The following ZNF609 variants were observed in gnomAD, a reference collection of about 807,000 sequenced individuals.
The protein encoded by ZNF609 is zinc finger protein 609.
Under a neutral mutation model 109.5 loss-of-function variants are expected in ZNF609, and 11 were observed. That is an observed-to-expected ratio of 0.10 (90% CI 0.06 to 0.17). The LOEUF is 0.17. Among genes scored for constraint, ZNF609 ranks in the 10% least tolerant of loss-of-function variants. ZNF609 has a pLI of 1.00. For missense variants in ZNF609, 1,559 were observed against 1,772.4 expected (o/e 0.88, Z 2.16); for synonymous variants, 646 against 662.0 (o/e 0.98, Z 0.37).
chr15:64,560,365 TG>T (rs941518313), intron 2 of ZNF609, among the ~76,000 whole-genome samples: 8 of 151,538 alleles, frequency 5.3e-5, no homozygotes, highest in Non-Finnish European at 1.2e-4. Context: ...TTTTTTAATT[TG>T]TTTTTTTTTT....
intron 2 of ZNF609, among the ~76,000 whole-genome samples, chr15:64,551,690 G>A (rs546207191): frequency 6.7e-6 from 1 of 148,934 alleles, no homozygotes; most frequent in Non-Finnish European, 1.5e-5. Context: ...AGATGTCTCA[G>A]GGAAGGGATG....
intron 6 of ZNF609, 83 bp from the exon 7 acceptor site, chr15:64,680,102 G>C (rs1426076182): frequency 2.8e-5 from 41 of 1,463,438 alleles, no homozygotes; most frequent in Non-Finnish European, 3.9e-5. Context: ...TAGGAAAGCT[G>C]ATGCCCACCC....
At chr15:64,612,885 T>C (rs1229717045) in intron 2 of ZNF609, among the ~76,000 whole-genome samples, 2 of 151,956 alleles carry the variant, frequency 1.3e-5, no homozygotes, top group African/African-American at 4.8e-5. Flanking sequence ...TGTGGTGGCA[T>C]GCGTCTGTAA....
chr15:64,508,803 C>A (rs912449501), intron 2 of ZNF609, among the ~76,000 whole-genome samples: 2 of 151,772 alleles, frequency 1.3e-5, no homozygotes, highest in African/African-American at 4.8e-5. Context: ...ATTCTCCTAC[C>A]TCACTTCCTA....
At chr15:64,556,890 G>C (rs1378519252) in intron 2 of ZNF609, among the ~76,000 whole-genome samples, 2 of 151,986 alleles carry the variant, frequency 1.3e-5, no homozygotes, top group Non-Finnish European at 2.9e-5. Context: ...TTTTTAAAAG[G>C]ATTTAATGCC....
intron 3 of ZNF609, among the ~76,000 whole-genome samples, chr15:64,625,970 G>GAGAGAGA (rs1895956673): frequency 9.1e-6 from 1 of 110,158 alleles, no homozygotes; most frequent in African/African-American, 3.3e-5. Context: ...GAGAGAGAGA[G>GAGAGAGA]GATATTAAAA....
rs751458271 is a variant in ZNF609 at position 64,676,097 on chromosome 15, C to A, written c.3243C>A (p.Pro1081=). Residue 1081 remains proline (P), a synonymous_variant, in exon 5 of 10, where the codon CCC becomes CCA. Transcript: ENST00000326648. ...GADPAKSVII[P]KLDDSSKLPG... is the part of the protein sequence containing the mutation. ...ACCCAGCCAAATCAGTCATCATTCCCAAGTTAGATGACTCTTCAAAACTCC... is the reference window on the plus strand; with the variant it reads ...ACCCAGCCAAATCAGTCATCATTCCAAAGTTAGATGACTCTTCAAAACTCC... 12 of 1,614,084 alleles carry A rather than the reference C, an allele frequency of 7.4e-6. No individual in the cohort carries two copies. In the South Asian group the frequency reaches 1.2e-4, roughly 16 times the overall value.
intron 2 of ZNF609, among the ~76,000 whole-genome samples, chr15:64,542,150 A>AT (rs1219548721): frequency 6.6e-6 from 1 of 152,084 alleles, no homozygotes; most frequent in Non-Finnish European, 1.5e-5. Flanking sequence ...CAGAGTAGGT[A>AT]TTTCTGAGAA....
At chr15:64,621,332 C>G (rs181516466) in intron 2 of ZNF609, among the ~76,000 whole-genome samples, 59 of 152,058 alleles carry the variant, frequency 3.9e-4, no homozygotes, top group Middle Eastern at 6.8e-3. Flanking sequence ...GTTAAAGGAT[C>G]ACTGCCCACT....
chr15:64,565,346 G>T (rs1364112708), intron 2 of ZNF609, among the ~76,000 whole-genome samples: 1 of 151,610 alleles, frequency 6.6e-6, no homozygotes, highest in Non-Finnish European at 1.5e-5. Context: ...CTCCCAAAGT[G>T]CTGGGATTAT....
intron 1 of ZNF609, among the ~76,000 whole-genome samples, chr15:64,464,863 A>G (rs1892989794): frequency 6.6e-6 from 1 of 152,236 alleles, no homozygotes; most frequent in Non-Finnish European, 1.5e-5. Flanking sequence ...GAAGAATCAC[A>G]TGCCACAGTG....
intron 1 of ZNF609, among the ~76,000 whole-genome samples, chr15:64,477,136 CTTTTTTTTT>C (rs911785223): frequency 1.9e-5 from 2 of 105,784 alleles, no homozygotes; most frequent in Non-Finnish European, 3.9e-5. Context: ...TCTTCTCTTT[CTTTTTTTTT>C]TTTTTTTTTT....
chr15:64,672,273 A>G (rs1896742839), intron 4 of ZNF609, among the ~76,000 whole-genome samples: 1 of 148,372 alleles, frequency 6.7e-6, no homozygotes, highest in African/African-American at 2.5e-5. Flanking sequence ...CGGCCTCCCA[A>G]AGAGCTGGGA....
At chr15:64,637,235 T>G (rs925468180) in intron 3 of ZNF609, among the ~76,000 whole-genome samples, 2 of 152,240 alleles carry the variant, frequency 1.3e-5, no homozygotes, top group Non-Finnish European at 2.9e-5. Flanking sequence ...TGTTAAACTT[T>G]GTTTATTTTC....
chr15:64,613,440 C>G (rs1391035679), intron 2 of ZNF609, among the ~76,000 whole-genome samples: 2 of 152,186 alleles, frequency 1.3e-5, no homozygotes, highest in African/African-American at 4.8e-5. Flanking sequence ...GGGAAGGAGG[C>G]ATTCAGATTT....
chr15:64,525,261 G>A (rs988799803), intron 2 of ZNF609, among the ~76,000 whole-genome samples: 1 of 152,142 alleles, frequency 6.6e-6, no homozygotes, highest in African/African-American at 2.4e-5. Context: ...TCTATATGGT[G>A]TGAAGTAGGG....
At chr15:64,662,721 A>G (rs1439113795) in intron 3 of ZNF609, among the ~76,000 whole-genome samples, 2 of 152,046 alleles carry the variant, frequency 1.3e-5, no homozygotes, top group African/African-American at 4.8e-5. Context: ...ACGGGAGTGC[A>G]GTGGCGCGAT....
intron 2 of ZNF609, among the ~76,000 whole-genome samples, chr15:64,620,160 C>T (rs906979151): frequency 1.3e-5 from 2 of 152,196 alleles, no homozygotes; most frequent in Admixed American, 1.3e-4. Context: ...AGGCCAATGT[C>T]TGTGTCCAGT....
intron 2 of ZNF609, among the ~76,000 whole-genome samples, chr15:64,548,274 G>A (rs1002885954): frequency 6.6e-6 from 1 of 152,098 alleles, no homozygotes; most frequent in African/African-American, 2.4e-5. Flanking sequence ...ACTTAGGAAT[G>A]GTCAATATTA....
Sources: allele counts gnomAD v4.1 joint callset (sites outside exome capture counted in the v4.1 genomes callset), GRCh38; gene constraint gnomAD v4.1.1; transcripts MANE v1.5; gene names NCBI Gene and HGNC (gene_info 2026-07-23, HGNC 2026-07-21).